Variants in SDK1 observed in about 807,000 individuals in gnomAD.
The protein encoded by SDK1 is protein sidekick-1.
In SDK1, 157 loss-of-function variants were observed where a neutral mutation model predicts 245.5. The observed-to-expected ratio is 0.64, with a 90% CI of 0.56 to 0.73. The LOEUF is 0.73. Among genes scored for constraint, SDK1 ranks in the 30% least tolerant of loss-of-function variants. The probability of loss-of-function intolerance (pLI) is 0.00; values close to 1 mark genes in which losing one functional copy is unlikely to be tolerated. For missense variants in SDK1, 3,583 were observed against 3,002.3 expected, an observed-to-expected ratio of 1.19 and a Z score of -4.52; for synonymous variants, 1,647 against 1,278.5, an observed-to-expected ratio of 1.29 and a Z score of -6.15.
chr7:4,059,873 A>C (rs1476898659), intron 19 of SDK1, among the ~76,000 whole-genome samples: 1 of 151,506 alleles, frequency 6.6e-6, no homozygotes. Context: ...GAGGAAATTT[A>C]AAAATTTCTT....
At chr7:3,584,731 AT>A (rs10683288) in intron 1 of SDK1, among the ~76,000 whole-genome samples, 52 of 146,334 alleles carry the variant, frequency 3.6e-4, no homozygotes, top group East Asian at 6.1e-4. Flanking sequence ...ACTTCACGTT[AT>A]TTTTTTTTTT....
intron 5 of SDK1, among the ~76,000 whole-genome samples, chr7:3,949,536 G>A (rs1045502548): frequency 6.6e-6 from 1 of 152,190 alleles, no homozygotes; most frequent in African/African-American, 2.4e-5. Context: ...TCCCTTCAGC[G>A]TGAAGCCCAG....
rs1779133931 is a variant in SDK1, at chr7:3,730,063, C to T, written c.713+87958C>T. 2.0e-5 allele frequency among the ~76,000 whole-genome samples: 3 copies of T among 152,074 alleles called. No homozygotes were observed. The South Asian group carries it at 6.2e-4, about 32-fold the overall frequency. ...TCATTCTACAGATAGTACTTGGGTA[C>T]ACATGGATTTGATGGCCCCTAGCAG... On this transcript the variant is annotated intron_variant, in intron 4 of 44. Transcript: ENST00000404826.
intron 11 of SDK1, among the ~76,000 whole-genome samples, chr7:3,969,817 A>G (rs1042832059): frequency 3.3e-5 from 5 of 152,220 alleles, no homozygotes; most frequent in Admixed American, 6.5e-5. Context: ...CAACTAAAAC[A>G]CTTCTAATAC....
At chr7:3,555,669 CATCT>C (rs1182473390) in intron 1 of SDK1, among the ~76,000 whole-genome samples, 2 of 152,058 alleles carry the variant, frequency 1.3e-5, no homozygotes, top group Non-Finnish European at 2.9e-5. Flanking sequence ...GCAAACCATC[CATCT>C]GACAAGGGAT....
chr7:4,200,353 A>T (rs572777719), intron 35 of SDK1, among the ~76,000 whole-genome samples: 1 of 152,364 alleles, frequency 6.6e-6, no homozygotes, highest in East Asian at 1.9e-4. Flanking sequence ...TACAGCTGGG[A>T]TGTATCAGTC....
intron 1 of SDK1, among the ~76,000 whole-genome samples, chr7:3,440,489 T>C (rs927845449): frequency 1.3e-5 from 2 of 152,154 alleles, no homozygotes; most frequent in African/African-American, 4.8e-5. Flanking sequence ...AGGATTCATC[T>C]TGAGGGATTT....
intron 25 of SDK1, among the ~76,000 whole-genome samples, chr7:4,124,500 C>G (rs1784257596): frequency 1.3e-5 from 2 of 152,116 alleles, no homozygotes; most frequent in South Asian, 4.1e-4. Context: ...TTTATATGGG[C>G]ACTAGTCATA....
chr7:4,036,974 A>G (rs886732247), intron 17 of SDK1, among the ~76,000 whole-genome samples: 1 of 152,164 alleles, frequency 6.6e-6, no homozygotes, highest in Non-Finnish European at 1.5e-5. Context: ...GTGCCCAAAG[A>G]CGTCATTTAA....
intron 17 of SDK1, among the ~76,000 whole-genome samples, chr7:4,039,846 G>A (rs1583910142): frequency 6.6e-6 from 1 of 152,060 alleles, no homozygotes; most frequent in African/African-American, 2.4e-5. Context: ...TGGGGGAGAA[G>A]AAAATTTTAA....
At chr7:3,684,663 C>G (rs1784221706) in intron 4 of SDK1, among the ~76,000 whole-genome samples, 1 of 151,850 alleles carries the variant, frequency 6.6e-6, no homozygotes, top group African/African-American at 2.4e-5. Context: ...GATGCTAAAT[C>G]AGAGATGAAT....
intron 17 of SDK1, among the ~76,000 whole-genome samples, chr7:4,024,924 C>G (rs150209352): frequency 9.9e-5 from 15 of 152,050 alleles, no homozygotes; most frequent in African/African-American, 3.6e-4. Flanking sequence ...AAGACATGGG[C>G]GTGCTTCTCA....
chr7:3,608,060 C>T (rs1224058858), intron 1 of SDK1, among the ~76,000 whole-genome samples: 1 of 152,218 alleles, frequency 6.6e-6, no homozygotes. Flanking sequence ...CTTCTGGCAC[C>T]TGAGCGCGTA....
chr7:3,668,907 C>T (rs1403080295), intron 4 of SDK1, among the ~76,000 whole-genome samples: 1 of 152,176 alleles, frequency 6.6e-6, no homozygotes, highest in Non-Finnish European at 1.5e-5. Context: ...TGCCCAGGTT[C>T]AGGAGAAGGA....
chr7:4,005,813 T>C (rs1785443937), intron 14 of SDK1, among the ~76,000 whole-genome samples: 1 of 152,182 alleles, frequency 6.6e-6, no homozygotes, highest in African/African-American at 2.4e-5. Flanking sequence ...GACAGATTGC[T>C]TGAGTCCAGG....
intron 4 of SDK1, among the ~76,000 whole-genome samples, chr7:3,809,073 G>T (rs1459676982): frequency 6.6e-6 from 1 of 152,046 alleles, no homozygotes; most frequent in Non-Finnish European, 1.5e-5. Flanking sequence ...GGTTGAATTG[G>T]CTCGTAGATC....
intron 1 of SDK1, chr7:3,337,901 A>C (rs1174372284): frequency 6.6e-6 from 1 of 152,276 alleles, no homozygotes; most frequent in Non-Finnish European, 1.5e-5. Flanking sequence ...AAAGTTCTTT[A>C]AATGAATGGA....
intron 38 of SDK1, among the ~76,000 whole-genome samples, chr7:4,219,260 G>A (rs1785004152): frequency 1.3e-5 from 2 of 152,324 alleles, no homozygotes; most frequent in South Asian, 2.1e-4. Context: ...CAGCCTCCTC[G>A]TGGGGTCTAA....
At chr7:3,673,087 AG>A (rs1783772177) in intron 4 of SDK1, among the ~76,000 whole-genome samples, 1 of 152,064 alleles carries the variant, frequency 6.6e-6, no homozygotes, top group Non-Finnish European at 1.5e-5. Flanking sequence ...ACTTCCTTGT[AG>A]CATTTGACCA....
Sources: allele counts gnomAD v4.1 joint callset (sites outside exome capture counted in the v4.1 genomes callset), GRCh38; gene constraint gnomAD v4.1.1; transcripts MANE v1.5; gene names NCBI Gene and HGNC (gene_info 2026-07-23, HGNC 2026-07-21).